TECTA: variants seen among roughly 807,000 people sequenced by gnomAD.
TECTA encodes the protein tectorin alpha.
In TECTA, 128 loss-of-function variants were observed where a neutral mutation model predicts 216.8. The observed-to-expected ratio is 0.59, with a 90% confidence interval of 0.51 to 0.68. The LOEUF (loss-of-function observed/expected upper bound fraction) is 0.68. Ranked by LOEUF, TECTA falls within the 30% of genes least tolerant of loss-of-function variation. The probability of loss-of-function intolerance (pLI) is 0.00; values close to 1 mark genes in which losing one functional copy is unlikely to be tolerated. For synonymous variants in TECTA, 1,089 were observed against 1,117.1 expected (o/e 0.97, Z 0.50); for missense variants, 2,551 against 2,786.2 (o/e 0.92, Z 1.90).
intron 17 of TECTA, among the ~76,000 whole-genome samples, chr11:121,166,232 TCAGC>T (rs1178714604): frequency 1.1e-4 from 17 of 152,194 alleles, no homozygotes; most frequent in Non-Finnish European, 1.5e-5. Flanking sequence ...GGCATGTTCT[TCAGC>T]CAGGCCACAA....
Position 121,137,987 on chromosome 11 carries a change from A to T in TECTA, c.3508A>T (p.Ile1170Phe). Residue 1170 changes from isoleucine (I) to phenylalanine (F), a missense_variant, in exon 11 of 24, where the codon ATC becomes TTC. Ile to Phe is a conservative substitution (Grantham distance 21, BLOSUM62 0). Coordinates refer to ENST00000392793, the MANE Select transcript of TECTA (RefSeq NM_005422.4). The stretch of plus-strand genomic sequence containing the variant: ...GGACGTGACCGTGTTTGGCTACAGC[A>T]TCGTGATCCACCGAGCTTACAAGCA... ...QVDVTVFGYS[I>F]VIHRAYKHTV... 1 of 1,613,702 alleles carries T rather than the reference A, an allele frequency of 6.2e-7. No homozygotes were observed. Among genetic ancestry groups the T allele is most frequent in the Admixed American group, 1.7e-5 (1 of 60,022 alleles).
intron 11 of TECTA, among the ~76,000 whole-genome samples, chr11:121,143,820 C>A (rs1241065447): frequency 6.6e-6 from 1 of 152,198 alleles, no homozygotes; most frequent in East Asian, 1.9e-4. Context: ...GTGAGGATAG[C>A]ACCAGGGCAA....
intron 14 of TECTA, 76 bp from the exon 15 acceptor site, chr11:121,160,059 T>C (rs675553): frequency 6.3e-7 from 1 of 1,594,178 alleles, no homozygotes; most frequent in African/African-American, 1.3e-5. Context: ...CAAAATATTT[T>C]CCCTGGCCCT....
chr11:121,119,408 G>T (rs1946535659), intron 7 of TECTA, among the ~76,000 whole-genome samples: 1 of 152,076 alleles, frequency 6.6e-6, no homozygotes, highest in African/African-American at 2.4e-5. Flanking sequence ...ATGGGCATCT[G>T]CTGGCCAGTT....
chr11:121,162,228 C>T lies in TECTA; in HGVS notation c.5130C>T (p.Pro1710=). 6.2e-7 allele frequency: 1 copy of T among 1,614,178 alleles called. No individual in the cohort carries two copies. The highest frequency in any genetic ancestry group is 8.5e-7 in the Non-Finnish European group (1 of 1,180,050). ...FFQPCYGLLD[P]LPFYESCYLD... is the part of the protein sequence containing the mutation. ...AGCCCTGCTATGGGCTTCTCGATCC[C>T]CTCCCATTCTACGAGTCCTGCTACC... Residue 1710 remains proline, a synonymous_variant, in exon 16 of 24, where the codon CCC becomes CCT. Coordinates refer to ENST00000392793, the MANE Select transcript of TECTA (RefSeq NM_005422.4).
chr11:121,108,127 G>A (rs1330048869), intron 3 of TECTA, among the ~76,000 whole-genome samples: 1 of 152,110 alleles, frequency 6.6e-6, no homozygotes, highest in African/African-American at 2.4e-5. Flanking sequence ...TAGGAAGCAA[G>A]CCCTAACATA....
intron 20 of TECTA, among the ~76,000 whole-genome samples, chr11:121,172,180 TTTTTA>T (rs994106336): frequency 2.0e-5 from 3 of 148,880 alleles, no homozygotes; most frequent in Admixed American, 6.6e-5. Flanking sequence ...GTTCATTCTT[TTTTTA>T]TTTTATTTTA....
chr11:121,178,416 C>T (rs1227549279), intron 20 of TECTA, among the ~76,000 whole-genome samples: 1 of 151,940 alleles, frequency 6.6e-6, no homozygotes, highest in Admixed American at 6.6e-5. Context: ...ATAAATCCTG[C>T]TTGATCATGG....
chr11:121,142,450 C>T (rs989410343), intron 11 of TECTA, among the ~76,000 whole-genome samples: 7 of 152,142 alleles, frequency 4.6e-5, no homozygotes, highest in East Asian at 3.9e-4. Flanking sequence ...ACAGAGAAGC[C>T]GAGCCTGTCT....
intron 18 of TECTA, among the ~76,000 whole-genome samples, chr11:121,167,646 G>A (rs1947067454): frequency 6.6e-6 from 1 of 152,336 alleles, no homozygotes; most frequent in East Asian, 1.9e-4. Flanking sequence ...ACTTGTTCAT[G>A]TTGGTCCTTG....
chr11:121,151,662 C>T (rs547692786), intron 12 of TECTA, among the ~76,000 whole-genome samples: 33 of 151,996 alleles, frequency 2.2e-4, no homozygotes, highest in African/African-American at 7.3e-4. Flanking sequence ...ATTTTCTACA[C>T]TATGCAAGTA....
At chr11:121,183,264 G>A (rs1042933642) in intron 20 of TECTA, among the ~76,000 whole-genome samples, 3 of 149,136 alleles carry the variant, frequency 2.0e-5, no homozygotes, top group Non-Finnish European at 2.9e-5. Context: ...ATAGTCTGAC[G>A]GGGGCTGGGC....
At chr11:121,133,884 A>G (rs1355098426) in intron 10 of TECTA, among the ~76,000 whole-genome samples, 2 of 152,198 alleles carry the variant, frequency 1.3e-5, no homozygotes, top group African/African-American at 2.4e-5. Flanking sequence ...ACCCATGGGG[A>G]AATACTTTAA....
intron 6 of TECTA, among the ~76,000 whole-genome samples, chr11:121,117,706 G>A (rs969586961): frequency 6.6e-6 from 1 of 152,196 alleles, no homozygotes; most frequent in Non-Finnish European, 1.5e-5. Context: ...TCCTGCCTAA[G>A]CAGCATCTGC....
At chr11:121,144,646 G>A (rs1946816696) in intron 11 of TECTA, among the ~76,000 whole-genome samples, 1 of 152,222 alleles carries the variant, frequency 6.6e-6, no homozygotes, top group East Asian at 1.9e-4. Context: ...TTCAAGGGCA[G>A]TGCAGTCCTG....
At chr11:121,165,541 G>A (rs897621298) in intron 17 of TECTA, among the ~76,000 whole-genome samples, 158 bp downstream of exon 17, 1 of 152,174 alleles carries the variant, frequency 6.6e-6, no homozygotes, top group African/African-American at 2.4e-5. Context: ...CTGCTTCAAA[G>A]TACAGCTACA....
In TECTA at chr11:121,128,037, A is replaced by G. The variant is rs1234984225; in HGVS notation, c.2060A>G (p.Asn687Ser). 2.5e-6 allele frequency: 4 copies of G among 1,613,156 alleles called. No individual in the cohort carries two copies. Among genetic ancestry groups the G allele is most frequent in the Non-Finnish European group, 2.5e-6 (3 of 1,179,642 alleles). ...CEEGGDVYCF[N>S]KTCGSGEVCA... ...GAGGGCGGGGACGTCTACTGCTTCA[A>G]CAAGACCTGCGGCAGCGGGGAGGTG... The change falls in exon 9 of 24, where the codon AAC becomes AGC. Residue 687 changes from asparagine to serine, a missense_variant. Asn to Ser is a conservative substitution (Grantham distance 46). Transcript: ENST00000392793.
At chr11:121,102,790 C>A (rs1565514852) in intron 2 of TECTA, 61 bp downstream of exon 2, 1 of 1,443,240 alleles carries the variant, frequency 6.9e-7, no homozygotes, top group African/African-American at 1.4e-5. Context: ...GATAAAGAGA[C>A]ACTTTTATTG....
At chr11:121,167,777 A>G (rs1947068870) in intron 18 of TECTA, among the ~76,000 whole-genome samples, 1 of 152,210 alleles carries the variant, frequency 6.6e-6, no homozygotes, top group Admixed American at 6.5e-5. Context: ...GGTCCCACAG[A>G]TAAGTGGGGT....
Sources: gnomAD v4.1 joint callset for allele counts (sites outside exome capture counted in the v4.1 genomes callset) on GRCh38, gnomAD v4.1.1 for gene constraint, MANE v1.5 for transcripts, NCBI Gene and HGNC (gene_info 2026-07-23, HGNC 2026-07-21) for gene names.